Variants in WNT7B observed in about 807,000 individuals in gnomAD.
WNT7B encodes protein Wnt-7b.
Under a neutral mutation model 38.2 loss-of-function variants are expected in WNT7B, and 19 were observed. The observed-to-expected ratio is 0.50, with a 90% CI of 0.35 to 0.73. The LOEUF is 0.73. Ranked by LOEUF, WNT7B falls within the 30% of genes least tolerant of loss-of-function variation. The probability of loss-of-function intolerance (pLI) is 0.01; values close to 1 mark genes in which losing one functional copy is unlikely to be tolerated. For synonymous variants in WNT7B, 243 were observed against 209.3 expected (o/e 1.16, Z -1.39); for missense variants, 423 against 507.9 (o/e 0.83, Z 1.61).
Position 45,976,559 on chromosome 22 carries a change from G to T in WNT7B, c.71+125C>A. ...GGGCGAGGGTCTGACACACGGGCCA[G>T]CCCCGGAGCCCAGAGAGCTGCAGTG... is the stretch of plus-strand genomic sequence containing the variant. On this transcript the variant is annotated intron_variant, in intron 1 of 3. Transcript: ENST00000339464. This position sits in a 1 kb window ranked among gnomAD's most constrained non-coding sequence, Gnocchi z 8.5. 9.5e-7 allele frequency: 1 copy of T among 1,056,878 alleles called. No homozygotes were observed. The highest frequency in any genetic ancestry group is 1.4e-6 in the Non-Finnish European group (1 of 720,370). The allele number at this position is 1,056,878 out of a possible 1,614,324, so 65.5% of individuals were successfully genotyped here. A position where few individuals can be genotyped will look rare whatever the true frequency, so the allele number is the denominator to read the frequency against.
Position 45,976,351 on chromosome 22 carries a change from G to A in WNT7B, c.71+333C>T, listed in dbSNP as rs950505914. The stretch of plus-strand genomic sequence containing the variant: ...GGCTCGGCGCCCAGCGCAGCCCGGG[G>A]GAGGGAAGGCGCGTCCCACCCCCGG... On this transcript the variant is annotated intron_variant, in intron 1 of 3. Transcript: ENST00000339464. This position sits in a 1 kb window ranked among gnomAD's most constrained non-coding sequence, Gnocchi z 8.5. Among the ~76,000 whole-genome samples the A allele has an allele frequency of 6.6e-6, 1 of 150,772 alleles. No homozygotes were observed. Among genetic ancestry groups the A allele is most frequent in the South Asian group, 2.1e-4 (1 of 4,834 alleles).
intron 3 of WNT7B, chr22:45,925,678 C>A: frequency 4.1e-6 from 4 of 985,436 alleles, no homozygotes; most frequent in Non-Finnish European, 4.8e-6. Context: ...GCCCTTCAGG[C>A]CTGGAAGTGT....
chr22:45,938,861 A>G lies in WNT7B; in HGVS notation c.299-7492T>C, dbSNP rs115458178. On this transcript the variant is annotated intron_variant, in intron 2 of 3. Coordinates refer to ENST00000339464, the MANE Select transcript of WNT7B (RefSeq NM_058238.3). ...TGTTACACATTGTATACATGTATCA[A>G]CATATCACATGGACCCCATAAATAT... Among the ~76,000 whole-genome samples, 1,430 of 152,372 alleles carry G rather than the reference A, an allele frequency of 9.4e-3. 24 individuals carry two copies. The highest frequency in any genetic ancestry group is 0.033 in the African/African-American group (1,365 of 41,584).
rs546436867 is a variant in WNT7B at position 45,965,328 on chromosome 22, C to T, written c.71+11356G>A. On this transcript the variant is annotated intron_variant, in intron 1 of 3. Coordinates refer to ENST00000339464, the MANE Select transcript of WNT7B (RefSeq NM_058238.3). The surrounding 1 kb of genome is among the most constrained non-coding windows in gnomAD (Gnocchi z 6.5). ...TGGGTCCCACAGGGCTTTGTGTCAACGACGCTGGAAGGCAGGGCGGTAGGG... is the reference window on the plus strand; with the variant it reads ...TGGGTCCCACAGGGCTTTGTGTCAATGACGCTGGAAGGCAGGGCGGTAGGG... 3.3e-5 allele frequency among the ~76,000 whole-genome samples: 5 copies of T among 152,286 alleles called. No homozygotes were observed. Among genetic ancestry groups the T allele is most frequent in the African/African-American group, 7.2e-5 (3 of 41,566 alleles).
intron 1 of WNT7B, among the ~76,000 whole-genome samples, chr22:45,962,159 G>T (rs922273788): frequency 2.0e-5 from 3 of 152,086 alleles, no homozygotes; most frequent in African/African-American, 7.2e-5. Context: ...AAAAGCTGGT[G>T]AAGAGCTGGG....
chr22:45,957,080 T>G (rs1172783498), intron 1 of WNT7B, among the ~76,000 whole-genome samples: 1 of 137,414 alleles, frequency 7.3e-6, no homozygotes, highest in African/African-American at 2.9e-5. Flanking sequence ...CACTCCAGCC[T>G]GGTGACAGAG....
chr22:45,937,996 G>A lies in WNT7B; in HGVS notation c.299-6627C>T, dbSNP rs191833983. ...TGCACTCCAGCCTGGGCAATAGAGC[G>A]AGACTCCGTCTAAAAAAAAAAATGA... On this transcript the variant is annotated intron_variant, in intron 2 of 3. Coordinates refer to ENST00000339464, the MANE Select transcript of WNT7B (RefSeq NM_058238.3). Among the ~76,000 whole-genome samples the A allele has an allele frequency of 1.5e-3, 224 of 151,982 alleles. 2 individuals carry two copies. The highest frequency in any genetic ancestry group is 0.011 in the South Asian group (55 of 4,822).
In WNT7B at chr22:45,927,477, A is replaced by G. The variant is rs1281455353; in HGVS notation, c.570+3621T>C. The G allele has an allele frequency of 1.9e-6, 3 of 1,550,160 alleles. No individual in the cohort carries two copies. The Admixed American group carries it at 5.9e-5, about 30-fold the overall frequency. On this transcript the variant is annotated intron_variant, in intron 3 of 3. Coordinates refer to ENST00000339464, the MANE Select transcript of WNT7B (RefSeq NM_058238.3). Reference sequence around the variant, plus strand: ...CAACCCCCCAAATTCATGTCTGCTCAGAGCCTCGGCAAGTGACTTTATTTG... The same window carrying G: ...CAACCCCCCAAATTCATGTCTGCTCGGAGCCTCGGCAAGTGACTTTATTTG...
intron 2 of WNT7B, among the ~76,000 whole-genome samples, chr22:45,932,868 C>A (rs540309923): frequency 6.6e-6 from 1 of 150,780 alleles, no homozygotes; most frequent in East Asian, 1.9e-4. Context: ...GCCCAGCACC[C>A]GCGAGCACCT....
intron 3 of WNT7B, chr22:45,927,005 G>T (rs1400110364): frequency 1.0e-6 from 1 of 985,454 alleles, no homozygotes; most frequent in Non-Finnish European, 1.2e-6. Flanking sequence ...GGAGCTGGTG[G>T]AACTCCACAG....
chr22:45,972,108 C>CGGGGGGGGGGGGG, intron 1 of WNT7B: 10 of 579,212 alleles, frequency 1.7e-5, no homozygotes, highest in South Asian at 1.9e-5. Context: ...GCTGGAGGCC[C>CGGGGGGGGGGGGG]GGGGGGAGCC....
At chr22:45,950,381 C>G (rs1191576662) in intron 1 of WNT7B, among the ~76,000 whole-genome samples, 1 of 152,246 alleles carries the variant, frequency 6.6e-6, no homozygotes, top group African/African-American at 2.4e-5. Context: ...CCACACACAC[C>G]CAGGCCTCTG....
intron 2 of WNT7B, among the ~76,000 whole-genome samples, chr22:45,932,703 C>T (rs920207351): frequency 5.9e-5 from 9 of 152,192 alleles, no homozygotes; most frequent in Non-Finnish European, 8.8e-5. Context: ...ATGTGGACAC[C>T]GAGCAGGCTC....
At chr22:45,927,407 A>C in intron 3 of WNT7B, 4 of 1,532,722 alleles carry the variant, frequency 2.6e-6, no homozygotes, top group East Asian at 2.5e-5. Context: ...CTTGCCCATC[A>C]GGGACACCAG....
intron 2 of WNT7B, among the ~76,000 whole-genome samples, chr22:45,932,191 C>T (rs1037680492): frequency 1.3e-5 from 2 of 152,176 alleles, no homozygotes; most frequent in Non-Finnish European, 2.9e-5. Context: ...GCCAAGCCCA[C>T]GGCTGAGCTG....
intron 1 of WNT7B, among the ~76,000 whole-genome samples, chr22:45,971,365 G>A (rs945868426): frequency 2.0e-5 from 3 of 152,218 alleles, no homozygotes; most frequent in African/African-American, 4.8e-5. Context: ...TCAGAGGCCA[G>A]AGCATATGCG....
chr22:45,935,471 GC>G (rs1931492199), intron 2 of WNT7B, among the ~76,000 whole-genome samples: 1 of 152,162 alleles, frequency 6.6e-6, no homozygotes. Flanking sequence ...GGGGACAGCA[GC>G]CCCCTCCCTT....
At chr22:45,928,929 C>G (rs1931191843) in intron 3 of WNT7B, among the ~76,000 whole-genome samples, 1 of 152,220 alleles carries the variant, frequency 6.6e-6, no homozygotes, top group Non-Finnish European at 1.5e-5. Context: ...CTGGAGTGCT[C>G]TTGCCCGCAT....
chr22:45,971,895 C>CCGCAGT (rs1932449715), intron 1 of WNT7B, among the ~76,000 whole-genome samples: 2 of 152,180 alleles, frequency 1.3e-5, no homozygotes, highest in African/African-American at 4.8e-5. Flanking sequence ...TGCTCTACTC[C>CCGCAGT]CGCAGTCGAG....
Sources: gnomAD v4.1 joint callset for allele counts (sites outside exome capture counted in the v4.1 genomes callset) on GRCh38, gnomAD v4.1.1 for gene constraint, Gnocchi (gnomAD v3.1) non-coding constraint, MANE v1.5 for transcripts, NCBI Gene and HGNC (gene_info 2026-07-23, HGNC 2026-07-21) for gene names.